The following UPF1 variants were observed in gnomAD, a reference collection of about 807,000 sequenced individuals.
The protein encoded by UPF1 is UPF1 RNA helicase and ATPase, also known as regulator of nonsense transcripts 1.
A neutral mutation model predicts 129.2 loss-of-function variants in UPF1; 9 were observed. The ratio of observed to expected loss-of-function variants is 0.07; its 90% CI spans 0.04 to 0.12. The LOEUF is 0.12. Among genes scored for constraint, UPF1 ranks in the 10% least tolerant of loss-of-function variants. The pLI is 1.00. For missense variants in UPF1, 788 were observed against 1,525.3 expected (o/e 0.52, Z 8.05); for synonymous variants, 649 against 644.9 (o/e 1.01, Z -0.10).
chr19:18,832,051 A>T lies in UPF1; in HGVS notation c.-159A>T. ...GCAGCGGCGGCGGCTCGGCACTGTT[A>T]CCTCTCGGTCCGGCTGGCGCCGGGG... On this transcript the variant is annotated 5_prime_UTR_variant, in exon 1 of 24. Coordinates refer to ENST00000262803, the MANE Select transcript of UPF1 (RefSeq NM_002911.4). The surrounding 1 kb of genome is among the most constrained non-coding windows in gnomAD (Gnocchi z 5.6). The T allele has an allele frequency of 1.7e-6, 1 of 577,040 alleles. No individual in the cohort carries two copies. The highest frequency in any genetic ancestry group is 2.5e-6 in the Non-Finnish European group (1 of 392,982). 35.7% of individuals were successfully genotyped at this position (577,040 alleles called of 1,614,324 possible). A position where few individuals can be genotyped will look rare whatever the true frequency, so the allele number is the denominator to read the frequency against.
intron 2 of UPF1, 149 bp from the exon 3 acceptor site, chr19:18,847,595 G>A (rs1265104675): frequency 2.8e-6 from 2 of 710,270 alleles, no homozygotes; most frequent in South Asian, 1.7e-5. Flanking sequence ...TGGTTAACTG[G>A]TTTGATTTGG....
Position 18,865,285 on chromosome 19 carries a change from G to A in UPF1, c.2858-4G>A, listed in dbSNP as rs1334870524. ...CACCTGCCGTGTTCCACTGTGATTT[G>A]CAGGCCGGCCTTCCAGCATGTACTT... On this transcript the variant is annotated splice_polypyrimidine_tract_variant and splice_region_variant and intron_variant, in intron 20 of 23. Coordinates refer to ENST00000262803, the MANE Select transcript of UPF1 (RefSeq NM_002911.4). The surrounding 1 kb of genome is among the most constrained non-coding windows in gnomAD (Gnocchi z 6.1). 18 of 1,598,214 alleles carry A rather than the reference G, an allele frequency of 1.1e-5. No individual in the cohort carries two copies. Among genetic ancestry groups the A allele is most frequent in the African/African-American group, 2.7e-5 (2 of 74,682 alleles).
intron 1 of UPF1, among the ~76,000 whole-genome samples, chr19:18,845,768 T>C (rs2055590141): frequency 6.6e-6 from 1 of 151,256 alleles, no homozygotes; most frequent in South Asian, 2.1e-4. Flanking sequence ...AGACCAGCTG[T>C]GTGGGGGACC....
chr19:18,864,816 T>G (rs374500506), intron 20 of UPF1, among the ~76,000 whole-genome samples: 13 of 139,330 alleles, frequency 9.3e-5, no homozygotes, highest in African/African-American at 3.5e-4. Flanking sequence ...CTTGGCTCAC[T>G]GCAACCTCCC....
At chr19:18,860,035 T>C (rs1449317162) in intron 15 of UPF1, 2 of 391,122 alleles carry the variant, frequency 5.1e-6, no homozygotes, top group Non-Finnish European at 9.2e-6. Flanking sequence ...TTGGCAGAGA[T>C]CCAGGCTGCA....
intron 14 of UPF1, 54 bp from the exon 15 acceptor site, chr19:18,857,266 T>C: frequency 1.9e-6 from 3 of 1,567,484 alleles, no homozygotes; most frequent in Non-Finnish European, 2.6e-6. Flanking sequence ...TAGTGTGTGT[T>C]GAGGCTGATT....
chr19:18,857,585 G>A (rs1434984424), intron 15 of UPF1, 52 bp downstream of exon 15: 3 of 1,516,596 alleles, frequency 2.0e-6, no homozygotes, highest in Admixed American at 4.5e-5. Context: ...CGGCATCAAG[G>A]GAATGTGGAC....
chr19:18,865,736 C>T lies in UPF1; in HGVS notation c.3195C>T (p.Ser1065=), dbSNP rs1465851879. ...GCTACATCTCCATGAGCCAGCCTTCCCAGATGAGCCAGCCCGGCCTCTCCC... is the reference window on the plus strand; with the variant it reads ...GCTACATCTCCATGAGCCAGCCTTCTCAGATGAGCCAGCCCGGCCTCTCCC... The part of the protein sequence containing the change: ...TQGYISMSQP[S]QMSQPGLSQP... Residue 1065 remains serine (S), a synonymous_variant, in exon 22 of 24, where the codon TCC becomes TCT. Transcript: ENST00000262803. The surrounding 1 kb of genome is among the most constrained non-coding windows in gnomAD (Gnocchi z 6.1). 3 of 1,613,162 alleles carry T rather than the reference C, an allele frequency of 1.9e-6. No homozygotes were observed. In the Admixed American group the frequency reaches 5.0e-5, roughly 27 times the overall value.
In UPF1 at chr19:18,851,164, T is replaced by TG. The variant is rs1218704175; in HGVS notation, c.810+298dup. On this transcript the variant is annotated intron_variant, in intron 5 of 23. Coordinates refer to ENST00000262803, the MANE Select transcript of UPF1 (RefSeq NM_002911.4). This position sits in a 1 kb window ranked among gnomAD's most constrained non-coding sequence, Gnocchi z 4.2. The stretch of plus-strand genomic sequence containing the variant: ...GGTGGTGGGAGGGGAAGAATGGGGC[T>TG]GGCTGTGGGCAGACTTGTCCTGCAG... 3.5e-6 allele frequency: 1 copy of TG among 289,138 alleles called. No individual in the cohort carries two copies. Among genetic ancestry groups the TG allele is most frequent in the Admixed American group, 4.8e-5 (1 of 20,846 alleles). The allele number at this position is 289,138 out of a possible 1,614,324, so 17.9% of individuals were successfully genotyped here. A position where few individuals can be genotyped will look rare whatever the true frequency, so the allele number is the denominator to read the frequency against.
At chr19:18,860,136 TGCCC>T in intron 15 of UPF1, 181 bp from the exon 16 acceptor site, 299 of 640,992 alleles carry the variant, frequency 4.7e-4, no homozygotes, top group Admixed American at 1.4e-3. Context: ...TCCTCAGCCT[TGCCC>T]AATCCTGGGC....
At chr19:18,861,935 G>C (rs2055784963) in intron 17 of UPF1, 75 bp from the exon 18 acceptor site, 3 of 1,571,486 alleles carry the variant, frequency 1.9e-6, no homozygotes, top group Admixed American at 3.5e-5. Flanking sequence ...GGTGGGTCTT[G>C]GTGTGTTTCC....
At chr19:18,845,000 C>T (rs904721626) in intron 1 of UPF1, among the ~76,000 whole-genome samples, 3 of 152,244 alleles carry the variant, frequency 2.0e-5, no homozygotes, top group South Asian at 2.1e-4. Flanking sequence ...CCCAGCCAGG[C>T]GGGCTGGAGG....
chr19:18,848,103 A>C (rs2055619454), intron 3 of UPF1: 1 of 407,082 alleles, frequency 2.5e-6, no homozygotes, highest in Non-Finnish European at 4.6e-6. Flanking sequence ...TTTTTCTGCA[A>C]GATGAGCTCT....
intron 16 of UPF1, 47 bp from the exon 17 acceptor site, chr19:18,860,779 C>T (rs1185657838): frequency 8.1e-6 from 13 of 1,604,572 alleles, no homozygotes; most frequent in African/African-American, 5.3e-5. Context: ...CCTCAGGGCT[C>T]GGGATCCCAC....
intron 15 of UPF1, chr19:18,860,074 T>C (rs896741478): frequency 2.1e-6 from 1 of 485,256 alleles, no homozygotes. Context: ...CCCTGTTCCC[T>C]GTTCAGGGGC....
chr19:18,860,508 A>G (rs778737037), intron 16 of UPF1, 70 bp downstream of exon 16: 87 of 1,498,162 alleles, frequency 5.8e-5, no homozygotes, highest in Non-Finnish European at 3.2e-5. Flanking sequence ...GACCCATTCT[A>G]CTTATTTTTA....
intron 2 of UPF1, among the ~76,000 whole-genome samples, chr19:18,847,053 C>A (rs978121359): frequency 6.6e-6 from 1 of 152,250 alleles, no homozygotes; most frequent in Non-Finnish European, 1.5e-5. Flanking sequence ...GCTCCTTGCC[C>A]GCGTGCTGCC....
chr19:18,856,336 G>A (rs1205046752), intron 13 of UPF1, 36 bp downstream of exon 13: 2 of 1,558,732 alleles, frequency 1.3e-6, no homozygotes, highest in Admixed American at 3.7e-5. Context: ...GGGCCTGTGG[G>A]CTGGCGGCCT....
chr19:18,866,291 TCATAGGCCCTCAGGGC>T, intron 23 of UPF1, 125 bp downstream of exon 23: 1 of 1,369,224 alleles, frequency 7.3e-7, no homozygotes, highest in Non-Finnish European at 9.5e-7. Flanking sequence ...CTGGTGGGGG[TCATAGGCCCTCAGGGC>T]CAGCTTGGCC....
Sources: gnomAD v4.1 joint callset for allele counts (sites outside exome capture counted in the v4.1 genomes callset) on GRCh38, gnomAD v4.1.1 for gene constraint, Gnocchi (gnomAD v3.1) non-coding constraint, MANE v1.5 for transcripts, NCBI Gene and HGNC (gene_info 2026-07-23, HGNC 2026-07-21) for gene names.